The following MAP3K20 variants were observed in gnomAD, a reference collection of about 807,000 sequenced individuals.
MAP3K20 encodes the protein HCCS-4.
MAP3K20 carries 40 observed loss-of-function variants against 85.7 expected under a neutral mutation model. The observed-to-expected ratio is 0.47, with a 90% CI of 0.36 to 0.61. The LOEUF (loss-of-function observed/expected upper bound fraction) is 0.61. Among genes scored for constraint, MAP3K20 ranks in the 20% least tolerant of loss-of-function variants. MAP3K20 has a pLI of 0.00. For synonymous variants in MAP3K20, 325 were observed against 327.7 expected (o/e 0.99, Z 0.09); for missense variants, 817 against 961.7 (o/e 0.85, Z 1.99).
intron 11 of MAP3K20, among the ~76,000 whole-genome samples, chr2:173,228,574 G>C (rs1684445728): frequency 6.6e-6 from 1 of 152,004 alleles, no homozygotes; most frequent in African/African-American, 2.4e-5. Context: ...AAATTTACCA[G>C]ATACCGTATG....
intron 1 of MAP3K20, among the ~76,000 whole-genome samples, chr2:173,078,640 A>G (rs535996658): frequency 6.6e-6 from 1 of 152,332 alleles, no homozygotes; most frequent in South Asian, 2.1e-4. Context: ...CCAGCACAGT[A>G]GAAGAATCTG....
chr2:173,089,514 T>C (rs901702904), intron 1 of MAP3K20, among the ~76,000 whole-genome samples: 6 of 152,136 alleles, frequency 3.9e-5, no homozygotes, highest in African/African-American at 1.4e-4. Context: ...TTCTCTAATA[T>C]CCCAATAATA....
At chr2:173,263,346 GTCA>G (rs1245872853) in intron 18 of MAP3K20, among the ~76,000 whole-genome samples, 1 of 152,092 alleles carries the variant, frequency 6.6e-6, no homozygotes, top group Non-Finnish European at 1.5e-5. Flanking sequence ...CAAAATAGCT[GTCA>G]TCAAGTACTA....
In MAP3K20 at chr2:173,217,249, C is replaced by A; in HGVS notation, c.986C>A (p.Pro329Gln). 1 of 1,562,686 alleles carries A rather than the reference C, an allele frequency of 6.4e-7. No homozygotes were observed. The highest frequency in any genetic ancestry group is 1.4e-5 in the African/African-American group (1 of 73,018). Residue 329 changes from proline (P) to glutamine (Q), a missense_variant and splice_region_variant, in exon 11 of 20, where the codon CCG becomes CAG. Pro to Gln is a moderately conservative substitution (Grantham distance 76). Around this residue, in one of 4 missense-constraint regions of MAP3K20, gnomAD observed 158 missense variants for 162.0 expected, o/e 0.98. Transcript: ENST00000375213. ...EQKLTEQSNT[P>Q]LLPSFEIGAW... is the part of the protein sequence containing the mutation. The stretch of plus-strand genomic sequence containing the variant: ...AAGCTGACAGAGCAGTCCAACACCC[C>A]GGTGAGTACCCTCCCCCTTCGCCGT...
chr2:173,172,896 C>A (rs1690041250), intron 3 of MAP3K20, among the ~76,000 whole-genome samples: 1 of 151,746 alleles, frequency 6.6e-6, no homozygotes, highest in South Asian at 2.1e-4. Context: ...CTCCTGAGTT[C>A]AAGCAATTCT....
At chr2:173,223,712 G>A in intron 11 of MAP3K20, 3 of 985,408 alleles carry the variant, frequency 3.0e-6, no homozygotes, top group Non-Finnish European at 3.6e-6. Flanking sequence ...CTCCCTAAAA[G>A]ATGGATTCCC....
chr2:173,262,547 C>G (rs1685321663), intron 18 of MAP3K20, among the ~76,000 whole-genome samples: 1 of 151,728 alleles, frequency 6.6e-6, no homozygotes, highest in South Asian at 2.1e-4. Context: ...TTGTGGTGAG[C>G]TGAGATTGCG....
At position 173,219,826 on chromosome 2, in the gene MAP3K20, T is replaced by G. The variant is rs531726040; in HGVS notation, c.987+2576T>G. Among the ~76,000 whole-genome samples the G allele has an allele frequency of 9.2e-5, 14 of 152,146 alleles. No individual in the cohort carries two copies. The South Asian group carries it at 2.5e-3, about 27-fold the overall frequency. ...GCTCACACCTGTAAACCCAGCACTT[T>G]GGGAGGCTGAGGGGGGTGGATCACG... On this transcript the variant is annotated intron_variant, in intron 11 of 19. Coordinates refer to ENST00000375213, the MANE Select transcript of MAP3K20 (RefSeq NM_016653.3).
chr2:173,098,019 T>C (rs963116967), intron 2 of MAP3K20, among the ~76,000 whole-genome samples: 1 of 152,242 alleles, frequency 6.6e-6, no homozygotes, highest in African/African-American at 2.4e-5. Flanking sequence ...TCTTTAAATT[T>C]GTTTTAATTG....
intron 16 of MAP3K20, among the ~76,000 whole-genome samples, chr2:173,249,536 G>A (rs1483686071): frequency 6.6e-6 from 1 of 152,122 alleles, no homozygotes; most frequent in African/African-American, 2.4e-5. Context: ...TCATGGGGTG[G>A]GAGGAGAAGA....
At chr2:173,194,038 C>T (rs1304600646) in intron 7 of MAP3K20, among the ~76,000 whole-genome samples, 1 of 152,180 alleles carries the variant, frequency 6.6e-6, no homozygotes. Context: ...ATCAATTCTG[C>T]ATTCATGCTA....
intron 11 of MAP3K20, chr2:173,221,483 G>A: frequency 6.2e-7 from 1 of 1,608,474 alleles, no homozygotes; most frequent in South Asian, 1.1e-5. Flanking sequence ...CGATGATGAT[G>A]ATGATGACGG....
intron 16 of MAP3K20, among the ~76,000 whole-genome samples, chr2:173,240,761 C>G (rs1684760973): frequency 6.6e-6 from 1 of 152,172 alleles, no homozygotes; most frequent in South Asian, 2.1e-4. Flanking sequence ...CAATCCCACT[C>G]TAGGTATATA....
intron 2 of MAP3K20, among the ~76,000 whole-genome samples, chr2:173,142,643 A>C (rs1360785711): frequency 6.6e-6 from 1 of 152,142 alleles, no homozygotes; most frequent in Non-Finnish European, 1.5e-5. Context: ...AAAACAAAAC[A>C]AAAGAGGTAT....
intron 11 of MAP3K20, among the ~76,000 whole-genome samples, chr2:173,219,906 A>C (rs1014527346): frequency 6.6e-6 from 1 of 151,510 alleles, no homozygotes; most frequent in African/African-American, 2.4e-5. Flanking sequence ...ATCTCTACTA[A>C]AAATACAAAA....
intron 9 of MAP3K20, among the ~76,000 whole-genome samples, chr2:173,204,505 T>C (rs1277935157): frequency 3.3e-5 from 5 of 152,230 alleles, no homozygotes; most frequent in Admixed American, 2.0e-4. Context: ...AGCTCCACAA[T>C]AGAGTTGGAG....
At chr2:173,142,243 C>A (rs183150679) in intron 2 of MAP3K20, among the ~76,000 whole-genome samples, 274 of 152,170 alleles carry the variant, frequency 1.8e-3, no homozygotes, top group Middle Eastern at 3.4e-3. Flanking sequence ...GAGGCCGAGG[C>A]GGGTGGATCA....
At chr2:173,145,152 C>T (rs543007313) in intron 2 of MAP3K20, among the ~76,000 whole-genome samples, 1 of 152,100 alleles carries the variant, frequency 6.6e-6, no homozygotes, top group East Asian at 1.9e-4. Flanking sequence ...AAGGTAATCT[C>T]TTGTGACCTT....
intron 1 of MAP3K20, chr2:173,090,771 T>C: frequency 8.8e-7 from 1 of 1,131,908 alleles, no homozygotes; most frequent in Non-Finnish European, 1.1e-6. Context: ...CATTTCTCTG[T>C]GGGCAGCTGT....
Sources: allele counts gnomAD v4.1 joint callset (sites outside exome capture counted in the v4.1 genomes callset), GRCh38; gene constraint gnomAD v4.1.1; regional missense constraint gnomAD v4.1.1; transcripts MANE v1.5; gene names NCBI Gene and HGNC (gene_info 2026-07-23, HGNC 2026-07-21).